The following DMD variants were observed in gnomAD, a reference collection of about 807,000 sequenced individuals.
The protein encoded by DMD is mutant dystrophin.
DMD carries 63 observed loss-of-function variants against 330.1 expected under a neutral mutation model. The ratio of observed to expected loss-of-function variants is 0.19; its 90% CI spans 0.16 to 0.24. DMD has a LOEUF of 0.24. Ranked by LOEUF, DMD falls within the 10% of genes least tolerant of loss-of-function variation. The pLI, the probability that DMD is intolerant of heterozygous loss-of-function variation, is 1.00. For missense variants in DMD, 3,344 were observed against 2,684.1 expected (o/e 1.25, Z -5.43); for synonymous variants, 1,223 against 959.8 (o/e 1.27, Z -5.07).
Position 31,414,821 on chromosome X carries a change from C to A in DMD, c.9084+29660G>T, listed in dbSNP as rs774519290. Among the ~76,000 whole-genome samples, 16 of 111,885 alleles carry A rather than the reference C, an allele frequency of 1.4e-4. 1 individual carries two copies. In the East Asian group the frequency reaches 4.5e-3, roughly 31 times the overall value. On this transcript the variant is annotated intron_variant, in intron 60 of 78. Transcript: ENST00000357033. ...CAATAGATGTGTAAGCAGGCATGCA[C>A]ACACACACACAAACTGTCTCAAGAT...
At chrX:32,055,941 C>T (rs1300530633) in intron 44 of DMD, among the ~76,000 whole-genome samples, 1 of 111,066 alleles carries the variant, frequency 9.0e-6, no homozygotes, top group Non-Finnish European at 1.9e-5. Flanking sequence ...CTCCAACCCT[C>T]AGTTTCTCCA....
At chrX:33,069,391 T>C (rs982576193) in intron 1 of DMD, among the ~76,000 whole-genome samples, 1 of 111,921 alleles carries the variant, frequency 8.9e-6, no homozygotes, top group Non-Finnish European at 1.9e-5. Flanking sequence ...TTTAAAATAC[T>C]AGTTGCACAA....
At chrX:32,480,129 G>A (rs2041696050) in intron 21 of DMD, among the ~76,000 whole-genome samples, 1 of 111,380 alleles carries the variant, frequency 9.0e-6, no homozygotes, top group Admixed American at 9.6e-5. Flanking sequence ...CGCAATAAGA[G>A]GCACCAATGG....
intron 55 of DMD, among the ~76,000 whole-genome samples, chrX:31,562,509 A>C (rs185055115): frequency 9.2e-4 from 103 of 111,916 alleles, no homozygotes; most frequent in African/African-American, 3.2e-3. Flanking sequence ...ATGGTGTCTT[A>C]TTTCTTTATT....
intron 51 of DMD, among the ~76,000 whole-genome samples, chrX:31,754,996 A>G (rs1033289720): frequency 8.9e-6 from 1 of 111,844 alleles, no homozygotes; most frequent in African/African-American, 3.2e-5. Flanking sequence ...TATTAATTAC[A>G]TATGTTTTTA....
At chrX:32,591,663 G>T (rs2054923405) in intron 13 of DMD, among the ~76,000 whole-genome samples, 1 of 112,285 alleles carries the variant, frequency 8.9e-6, no homozygotes, top group Admixed American at 9.4e-5. Flanking sequence ...GCGTGGCCAG[G>T]GCTGTGCACT....
intron 67 of DMD, among the ~76,000 whole-genome samples, chrX:31,199,678 A>T (rs2043245028): frequency 8.9e-6 from 1 of 112,076 alleles, no homozygotes. Context: ...AAGATTCAGT[A>T]CCTTTCTAAC....
At chrX:32,828,511 G>A (rs1465911424) in intron 4 of DMD, among the ~76,000 whole-genome samples, 3 of 107,927 alleles carry the variant, frequency 2.8e-5, no homozygotes, top group Non-Finnish European at 3.8e-5. Context: ...ATATATATAC[G>A]CATCATTTCA....
chrX:32,809,436 A>T, intron 7 of DMD, 57 bp downstream of exon 7: 1 of 988,128 alleles, frequency 1.0e-6, no homozygotes, highest in Admixed American at 2.2e-5. Flanking sequence ...CAAGTCTCAG[A>T]TGAAAACATT....
intron 76 of DMD, 58 bp from the exon 77 acceptor site, chrX:31,134,252 AG>A (rs1231051789): frequency 3.1e-6 from 3 of 960,465 alleles, no homozygotes; most frequent in East Asian, 3.2e-5. Context: ...CAGATATTAA[AG>A]GGCCATGATT....
intron 2 of DMD, among the ~76,000 whole-genome samples, chrX:33,009,474 A>G (rs763041835): frequency 1.1e-5 from 1 of 87,694 alleles, no homozygotes; most frequent in South Asian, 6.0e-4. Flanking sequence ...ATATGTGTGT[A>G]TGTGTATACA....
chrX:32,649,069 G>C (rs2059958859), intron 9 of DMD, among the ~76,000 whole-genome samples: 1 of 109,147 alleles, frequency 9.2e-6, no homozygotes, highest in Non-Finnish European at 1.9e-5. Flanking sequence ...GGCAAATAAT[G>C]ATTACGATGA....
chrX:31,770,401 C>A (rs190909129), intron 51 of DMD, among the ~76,000 whole-genome samples: 1 of 111,887 alleles, frequency 8.9e-6, no homozygotes, highest in Admixed American at 9.5e-5. Context: ...TCATCATATA[C>A]CCTTAACTTC....
chrX:32,746,199 C>A (rs889363638), intron 7 of DMD, among the ~76,000 whole-genome samples: 2 of 112,099 alleles, frequency 1.8e-5, no homozygotes, highest in African/African-American at 3.2e-5. Context: ...CAAATAGCCC[C>A]AGAGAATTCC....
chrX:32,646,068 G>C (rs1361886377), intron 9 of DMD, among the ~76,000 whole-genome samples: 2 of 111,688 alleles, frequency 1.8e-5, no homozygotes, highest in Non-Finnish European at 3.8e-5. Context: ...AGAGGCTGGA[G>C]CGCTCTGCGT....
chrX:31,150,207 T>C (rs772124067), intron 74 of DMD, among the ~76,000 whole-genome samples: 4 of 112,059 alleles, frequency 3.6e-5, no homozygotes, highest in Non-Finnish European at 7.5e-5. Flanking sequence ...TATATATTTC[T>C]AGACCTATAT....
chrX:32,252,649 AATACAAATATATAAAT>A (rs2097269065), intron 43 of DMD, among the ~76,000 whole-genome samples: 1 of 50,393 alleles, frequency 2.0e-5, no homozygotes, highest in East Asian at 1.6e-3. Flanking sequence ...AATATATATA[AATACAAATATATAAAT>A]ATATATATAT....
At chrX:32,715,132 G>C (rs1409598752) in intron 7 of DMD, among the ~76,000 whole-genome samples, 1 of 111,001 alleles carries the variant, frequency 9.0e-6, no homozygotes, top group African/African-American at 3.3e-5. Context: ...GGTAACCACT[G>C]TTTTATTCTC....
chrX:33,010,116 A>G (rs182803716), intron 2 of DMD, among the ~76,000 whole-genome samples: 3 of 102,158 alleles, frequency 2.9e-5, no homozygotes, highest in African/African-American at 7.0e-5. Flanking sequence ...ACATATGTGC[A>G]CATGTGTGTA....
Sources: gnomAD v4.1 joint callset for allele counts (sites outside exome capture counted in the v4.1 genomes callset) on GRCh38, gnomAD v4.1.1 for gene constraint, MANE v1.5 for transcripts, NCBI Gene and HGNC (gene_info 2026-07-23, HGNC 2026-07-21) for gene names.